The following AHNAK2 variants were observed in gnomAD, a reference collection of about 807,000 sequenced individuals.
The protein encoded by AHNAK2 is AHNAK nucleoprotein 2, also known as protein AHNAK2.
AHNAK2 carries 18 observed loss-of-function variants against 30.7 expected under a neutral mutation model. That is an observed-to-expected ratio of 0.59 (90% confidence interval 0.41 to 0.87). The LOEUF is 0.87. AHNAK2 is among the 40% of genes least tolerant of loss of function. The pLI is 0.00. For synonymous variants in AHNAK2, 3,590 were observed against 3,073.8 expected (o/e 1.17, Z -5.56); for missense variants, 8,604 against 7,373.0 (o/e 1.17, Z -6.11).
intron 1 of AHNAK2, among the ~76,000 whole-genome samples, chr14:104,959,893 A>G (rs1899088262): frequency 6.6e-6 from 1 of 152,248 alleles, no homozygotes; most frequent in South Asian, 2.1e-4. Context: ...ACTTCTTTCA[A>G]AAACAGAGGA....
rs753227256 is a variant in AHNAK2, at chr14:104,953,906, C to G, written c.1545G>C (p.Lys515Asn). 5.3e-5 allele frequency: 85 copies of G among 1,613,888 alleles called. No individual in the cohort carries two copies. Among genetic ancestry groups the G allele is most frequent in the Non-Finnish European group, 5.1e-6 (6 of 1,179,902 alleles). The stretch of plus-strand genomic sequence containing the variant: ...CCGCTTTTGAGGACGCATCCTGTCT[C>G]TTCCCTCGCTGTGGGGTACTAAGGC... Reference protein sequence around the residue: ...ERRLSTPQRGKRQDASSKAGT... With the variant: ...ERRLSTPQRGNRQDASSKAGT... The change falls in exon 7 of 7, where the codon AAG becomes AAC. Residue 515 changes from lysine (K) to asparagine (N), a missense_variant. Coordinates refer to ENST00000333244, the MANE Select transcript of AHNAK2 (RefSeq NM_138420.4).
Position 104,950,643 on chromosome 14 carries a change from A to G in AHNAK2, c.4808T>C (p.Leu1603Pro), listed in dbSNP as rs764863761. Residue 1603 changes from leucine to proline, a missense_variant, in exon 7 of 7, where the codon CTG becomes CCG. Coordinates refer to ENST00000333244, the MANE Select transcript of AHNAK2 (RefSeq NM_138420.4). Reference protein sequence around the residue: ...GPQIDVKGPKLDLKGPKVEVT... With the variant: ...GPQIDVKGPKPDLKGPKVEVT... ...TTCCACCTTGGGGCCTTTCAGGTCCAGCTTGGGGCCCTTAACATCTATCTG... is the reference window on the plus strand; with the variant it reads ...TTCCACCTTGGGGCCTTTCAGGTCCGGCTTGGGGCCCTTAACATCTATCTG... 7 of 1,586,958 alleles carry G rather than the reference A, an allele frequency of 4.4e-6. 1 individual carries two copies. The East Asian group carries it at 1.1e-4, about 26-fold the overall frequency.
chr14:104,977,008 G>C (rs1368564837), intron 1 of AHNAK2, among the ~76,000 whole-genome samples: 1 of 152,194 alleles, frequency 6.6e-6, no homozygotes, highest in Non-Finnish European at 1.5e-5. Context: ...CGTGAAGCAG[G>C]TGCTGTAGGG....
At chr14:104,955,404 A>T (rs1241510052) in intron 5 of AHNAK2, 79 bp downstream of exon 5, 2 of 1,522,974 alleles carry the variant, frequency 1.3e-6, no homozygotes, top group African/African-American at 1.4e-5. Context: ...TGTGGTTCTT[A>T]CCCCTCAATA....
intron 1 of AHNAK2, among the ~76,000 whole-genome samples, chr14:104,962,472 C>T (rs1899176874): frequency 6.6e-6 from 1 of 152,210 alleles, no homozygotes; most frequent in Non-Finnish European, 1.5e-5. Context: ...GTCGCTCAGG[C>T]TGGAATGCAG....
intron 1 of AHNAK2, among the ~76,000 whole-genome samples, chr14:104,974,447 A>C (rs2819454): frequency 0.68 from 104,203 of 152,146 alleles, 35,816 homozygotes; most frequent in Middle Eastern, 0.76. Context: ...GGGTTGAACA[A>C]CTTGCAGGTC....
intron 1 of AHNAK2, among the ~76,000 whole-genome samples, chr14:104,973,553 C>A (rs958401279): frequency 3.9e-5 from 6 of 152,182 alleles, no homozygotes; most frequent in Non-Finnish European, 7.4e-5. Flanking sequence ...ACCTGACAGC[C>A]CCTCCAGCCG....
chr14:104,956,935 G>A (rs950602066), intron 3 of AHNAK2, among the ~76,000 whole-genome samples: 3 of 152,184 alleles, frequency 2.0e-5, no homozygotes, highest in Non-Finnish European at 2.9e-5. Context: ...AGCCCACAGC[G>A]CCCATAGGGA....
At position 104,939,447 on chromosome 14, in the gene AHNAK2, T is replaced by A. The variant is rs555353791; in HGVS notation, c.16004A>T (p.His5335Leu). Residue 5335 changes from histidine (H) to leucine (L), a missense_variant, in exon 7 of 7, where the codon CAT (histidine) becomes CTT (leucine). Physicochemically the swap from His to Leu is moderately conservative, Grantham distance 99. Transcript: ENST00000333244. ...IDETPLSKPG[H>L]DLASMEDKTE... Reference sequence around the variant, plus strand: ...TTTATCCTCCATGCTGGCAAGGTCATGTCCTGGCTTGGAAAGAGGAGTCTC... The same window carrying A: ...TTTATCCTCCATGCTGGCAAGGTCAAGTCCTGGCTTGGAAAGAGGAGTCTC... 6.2e-7 allele frequency: 1 copy of A among 1,613,472 alleles called. No individual in the cohort carries two copies. The highest frequency in any genetic ancestry group is 1.1e-5 in the South Asian group (1 of 91,068).
At position 104,952,787 on chromosome 14, in the gene AHNAK2, A is replaced by C; in HGVS notation, c.2664T>G (p.Ala888=). 6.2e-7 allele frequency: 1 copy of C among 1,611,978 alleles called. No homozygotes were observed. The highest frequency in any genetic ancestry group is 8.5e-7 in the Non-Finnish European group (1 of 1,179,414). The change falls in exon 7 of 7, where the codon GCT becomes GCG. Residue 888 remains alanine (A), a synonymous_variant. Transcript: ENST00000333244. ...CTTGGCCAGCCTGGACCTCCAGGTC[A>C]GCGGAAGGGGGCTGAATGCTGAGGT... ...ATDLSIQPPS[A]DLEVQAGQVD... is the part of the protein sequence containing the mutation.
Position 104,941,805 on chromosome 14 carries a change from ACCTTGGGCAGGTGC to A in AHNAK2, c.13632_13645del (p.His4545GlyfsTer62). On this transcript the variant is annotated frameshift_variant, in exon 7 of 7. Coordinates refer to ENST00000333244, the MANE Select transcript of AHNAK2 (RefSeq NM_138420.4). LOFTEE classifies it low-confidence loss of function (END_TRUNC). ...GGGCATCTTGAAACTGGGCATCTCC[ACCTTGGGCAGGTGC>A]CCTTTGAGGCCGGCTACCTCGGGCA... is the stretch of plus-strand genomic sequence containing the variant. The A allele has an allele frequency of 6.2e-7, 1 of 1,613,208 alleles. No individual in the cohort carries two copies. The highest frequency in any genetic ancestry group is 8.5e-7 in the Non-Finnish European group (1 of 1,179,660).
At position 104,954,949 on chromosome 14, in the gene AHNAK2, GGTC is replaced by G. The variant is rs761578779; in HGVS notation, c.651+5_651+7del. On this transcript the variant is annotated splice_donor_5th_base_variant and intron_variant, in intron 6 of 6. Transcript: ENST00000333244. The surrounding 1 kb of genome is among the most constrained non-coding windows in gnomAD (Gnocchi z 4.3). The stretch of plus-strand genomic sequence containing the variant: ...TGGGGCCCTGCCCCCCGGGCATAGT[GGTC>G]TCACCTCCTTCTCCTTGCCCTGTGG... 1.9e-5 allele frequency: 30 copies of G among 1,608,688 alleles called. No individual in the cohort carries two copies. The highest frequency in any genetic ancestry group is 2.5e-5 in the Non-Finnish European group (30 of 1,177,708).
Position 104,946,843 on chromosome 14 carries a change from G to A in AHNAK2, c.8608C>T (p.Leu2870=). ...DIRIQPPSAQ[L]EVQAGQVDVK... The stretch of plus-strand genomic sequence containing the variant: ...TCCACCTGGCCAGCCTGGACCTCCA[G>A]TTGGGCGGAGGGGGGCTGAATGCGG... The change falls in exon 7 of 7, where the codon CTG becomes TTG. Residue 2870 remains leucine, a synonymous_variant. Transcript: ENST00000333244. 3 of 1,612,734 alleles carry A rather than the reference G, an allele frequency of 1.9e-6. No individual in the cohort carries two copies. The highest frequency in any genetic ancestry group is 2.5e-6 in the Non-Finnish European group (3 of 1,179,670).
Position 104,940,797 on chromosome 14 carries a change from T to G in AHNAK2, c.14654A>C (p.His4885Pro). ...PQMAVPEGDL[H>P]AAVGAPVMSP... ...CATGACTGGGGCACCCACTGCTGCA[T>G]GTAGGTCTCCCTCAGGAACTGCCAT... Residue 4885 changes from histidine (H) to proline (P), a missense_variant, in exon 7 of 7, where the codon CAT (histidine) becomes CCT (proline). Physicochemically the swap from His to Pro is moderately conservative, Grantham distance 77. Transcript: ENST00000333244. This position sits in a 1 kb window ranked among gnomAD's most constrained non-coding sequence, Gnocchi z 4.4. 6.2e-7 allele frequency: 1 copy of G among 1,613,084 alleles called. No individual in the cohort carries two copies. The highest frequency in any genetic ancestry group is 8.5e-7 in the Non-Finnish European group (1 of 1,179,904).
chr14:104,950,031 C>A lies in AHNAK2; in HGVS notation c.5420G>T (p.Gly1807Val), dbSNP rs778764593. The A allele has an allele frequency of 3.8e-6, 6 of 1,587,064 alleles. 1 individual carries two copies. In the Admixed American group the frequency reaches 6.9e-5, roughly 18 times the overall value. The stretch of plus-strand genomic sequence containing the variant: ...ATCCTTGTCGGCCAGGGACAGGTCA[C>A]CCTCCAGCCGCACACTGTCCAGCTT... Reference protein sequence around the residue: ...GAKLDSVRLEGDLSLADKDVT... With the variant: ...GAKLDSVRLEVDLSLADKDVT... The change falls in exon 7 of 7, where the codon GGT becomes GTT. Residue 1807 changes from glycine to valine, a missense_variant. Transcript: ENST00000333244.
Position 104,944,143 on chromosome 14 carries a change from C to T in AHNAK2, c.11308G>A (p.Glu3770Lys). ...GCTCTTGGGGCCTGGACGTCCACCT[C>T]CACGCTGGGCAGAGACACCTCCACA... Reference protein sequence around the residue: ...PDVEVSLPSVEVDVQAPRAKL... With the variant: ...PDVEVSLPSVKVDVQAPRAKL... The change falls in exon 7 of 7, where the codon GAG becomes AAG. Residue 3770 changes from glutamate to lysine, a missense_variant. Physicochemically the swap from Glu to Lys is moderately conservative, Grantham distance 56. Coordinates refer to ENST00000333244, the MANE Select transcript of AHNAK2 (RefSeq NM_138420.4). 1 of 1,613,564 alleles carries T rather than the reference C, an allele frequency of 6.2e-7. No individual in the cohort carries two copies. The highest frequency in any genetic ancestry group is 8.5e-7 in the Non-Finnish European group (1 of 1,179,786).
rs1475288921 is a variant in AHNAK2 at position 104,954,485 on chromosome 14, C to G, written c.966G>C (p.Lys322Asn). ...KAGPGSQRRR[K>N]FLNLRFRTGS... ...CTGTCCTGAATCTGAGGTTGAGGAACTTCCGCCTCCTCTGGCTGCCCGGCC... is the reference window on the plus strand; with the variant it reads ...CTGTCCTGAATCTGAGGTTGAGGAAGTTCCGCCTCCTCTGGCTGCCCGGCC... Residue 322 changes from lysine (K) to asparagine (N), a missense_variant, in exon 7 of 7, where the codon AAG becomes AAC. Lys to Asn is a moderately conservative substitution (Grantham distance 94). Coordinates refer to ENST00000333244, the MANE Select transcript of AHNAK2 (RefSeq NM_138420.4). This position sits in a 1 kb window ranked among gnomAD's most constrained non-coding sequence, Gnocchi z 4.3. The G allele has an allele frequency of 6.2e-7, 1 of 1,612,684 alleles. No individual in the cohort carries two copies. Among genetic ancestry groups the G allele is most frequent in the South Asian group, 1.1e-5 (1 of 90,940 alleles).
rs368373348 is a variant in AHNAK2 at position 104,948,387 on chromosome 14, G to A, written c.7064C>T (p.Pro2355Leu). Residue 2355 changes from proline to leucine, a missense_variant, in exon 7 of 7, where the codon CCC becomes CTC. Pro to Leu is a moderately conservative substitution (Grantham distance 98, BLOSUM62 -3). Transcript: ENST00000333244. ...GGTCTTGAGGTCCCCCTGCATGGAG[G>A]GGAGGCTCACGTCGGCCTCCACCTT... Reference protein sequence around the residue: ...ALKVEADVSLPSMQGDLKTTD... With the variant: ...ALKVEADVSLLSMQGDLKTTD... The A allele has an allele frequency of 1.7e-5, 27 of 1,612,466 alleles. 1 individual carries two copies. The highest frequency in any genetic ancestry group is 9.4e-5 in the African/African-American group (7 of 74,320).
At position 104,949,471 on chromosome 14, in the gene AHNAK2, T is replaced by G; in HGVS notation, c.5980A>C (p.Lys1994Gln). The G allele has an allele frequency of 6.3e-7, 1 of 1,588,016 alleles. No individual in the cohort carries two copies. ...KDSKFKMPKFKMPSFGVSAPG... is the reference protein window; with the variant it reads ...KDSKFKMPKFQMPSFGVSAPG... ...GCCGATACCCCGAACGACGGCATCTTGAATTTGGGCATTTTGAACTTGCTG... is the reference window on the plus strand; with the variant it reads ...GCCGATACCCCGAACGACGGCATCTGGAATTTGGGCATTTTGAACTTGCTG... Residue 1994 changes from lysine to glutamine, a missense_variant, in exon 7 of 7, where the codon AAG becomes CAG. Physicochemically the swap from Lys to Gln is moderately conservative, Grantham distance 53. Coordinates refer to ENST00000333244, the MANE Select transcript of AHNAK2 (RefSeq NM_138420.4).
Sources: allele counts gnomAD v4.1 joint callset (sites outside exome capture counted in the v4.1 genomes callset), GRCh38; gene constraint gnomAD v4.1.1; non-coding constraint Gnocchi (gnomAD v3.1); transcripts MANE v1.5; gene names NCBI Gene and HGNC (gene_info 2026-07-23, HGNC 2026-07-21).